Variants in PDE4B observed in about 807,000 individuals in gnomAD.
The protein encoded by PDE4B is 3',5'-cyclic-AMP phosphodiesterase 4B.
PDE4B carries 20 observed loss-of-function variants against 82.2 expected under a neutral mutation model. That is an observed-to-expected ratio of 0.24 (90% CI 0.17 to 0.35). The LOEUF (loss-of-function observed/expected upper bound fraction) is 0.35. PDE4B is among the 10% of genes least tolerant of loss of function. The pLI, the probability that PDE4B is intolerant of heterozygous loss-of-function variation, is 1.00. For synonymous variants in PDE4B, 320 were observed against 318.9 expected, an observed-to-expected ratio of 1.00 and a Z score of -0.04; for missense variants, 655 against 907.2, an observed-to-expected ratio of 0.72 and a Z score of 3.57.
intron 3 of PDE4B, among the ~76,000 whole-genome samples, chr1:66,241,566 G>C (rs1254970827): frequency 1.3e-5 from 2 of 151,930 alleles, no homozygotes; most frequent in Non-Finnish European, 1.5e-5. Flanking sequence ...GAGTGCAGTG[G>C]CGCATCTTGT....
At chr1:66,299,435 T>C (rs188756997) in intron 7 of PDE4B, among the ~76,000 whole-genome samples, 5 of 152,316 alleles carry the variant, frequency 3.3e-5, no homozygotes, top group African/African-American at 1.2e-4. Context: ...TCCATTATTA[T>C]ATGCCATATT....
intron 7 of PDE4B, chr1:66,330,808 T>C: frequency 2.0e-6 from 2 of 984,912 alleles, no homozygotes; most frequent in South Asian, 4.7e-5. Flanking sequence ...TGAGGCAGCA[T>C]TGCAAAATTG....
chr1:66,181,298 G>C (rs1190234371), intron 3 of PDE4B, among the ~76,000 whole-genome samples: 1 of 152,096 alleles, frequency 6.6e-6, no homozygotes, highest in Non-Finnish European at 1.5e-5. Flanking sequence ...ACCCACCCTT[G>C]GGTAAATATT....
At chr1:66,113,399 AC>A (rs1166680926) in intron 3 of PDE4B, among the ~76,000 whole-genome samples, 1 of 152,236 alleles carries the variant, frequency 6.6e-6, no homozygotes, top group African/African-American at 2.4e-5. Flanking sequence ...ACAAGTGAGT[AC>A]AAAATTGCTG....
intron 15 of PDE4B, 174 bp downstream of exon 15, chr1:66,368,239 T>C (rs769133892): frequency 8.5e-6 from 5 of 585,458 alleles, no homozygotes; most frequent in Non-Finnish European, 1.1e-5. Flanking sequence ...GTTTATCTTC[T>C]AATTTATGAG....
intron 3 of PDE4B, among the ~76,000 whole-genome samples, chr1:66,186,576 T>G (rs1647221521): frequency 6.6e-6 from 1 of 152,192 alleles, no homozygotes; most frequent in Non-Finnish European, 1.5e-5. Context: ...GATTCCTAGG[T>G]ATTTTATTCT....
At position 66,052,811 on chromosome 1, in the gene PDE4B, T is replaced by C. The variant is rs1413929586; in HGVS notation, c.281+133976T>C. On this transcript the variant is annotated intron_variant, in intron 3 of 16. Transcript: ENST00000341517. ...TTCTGAGCCTCATGACACTAGCGGT[T>C]TTCCCAGATGAAGTGAATGTTACCC... is the stretch of plus-strand genomic sequence containing the variant. 2.0e-5 allele frequency among the ~76,000 whole-genome samples: 3 copies of C among 152,144 alleles called. No homozygotes were observed. In the South Asian group the frequency reaches 6.2e-4, roughly 31 times the overall value.
At chr1:65,981,545 C>CT (rs35405572) in intron 3 of PDE4B, among the ~76,000 whole-genome samples, 4,649 of 140,310 alleles carry the variant, frequency 0.033, 173 homozygotes, top group Admixed American at 0.12. Context: ...TTCATGTTTC[C>CT]TTTTTTTTTT....
At chr1:66,263,011 G>C (rs796896506) in intron 6 of PDE4B, among the ~76,000 whole-genome samples, 7 of 152,328 alleles carry the variant, frequency 4.6e-5, no homozygotes, top group South Asian at 2.1e-4. Context: ...TCAGGAAAAG[G>C]TGTAAGATAA....
chr1:66,255,186 G>C (rs1654112537), intron 4 of PDE4B, among the ~76,000 whole-genome samples: 1 of 151,926 alleles, frequency 6.6e-6, no homozygotes, highest in East Asian at 1.9e-4. Flanking sequence ...CTGGGTTCAA[G>C]CAATTCTCCT....
intron 16 of PDE4B, among the ~76,000 whole-genome samples, chr1:66,370,807 G>A (rs1349257163): frequency 1.3e-5 from 2 of 151,890 alleles, no homozygotes; most frequent in East Asian, 3.9e-4. Context: ...GTTATTTTGG[G>A]TCCCTGGAAA....
At chr1:66,126,409 A>G (rs867128794) in intron 3 of PDE4B, among the ~76,000 whole-genome samples, 23 of 152,114 alleles carry the variant, frequency 1.5e-4, no homozygotes, top group Admixed American at 1.1e-3. Flanking sequence ...TACTCTATGT[A>G]CCCCCCTACA....
chr1:66,101,471 C>T (rs1193748791), intron 3 of PDE4B, among the ~76,000 whole-genome samples: 18 of 152,222 alleles, frequency 1.2e-4, no homozygotes, highest in Non-Finnish European at 2.4e-4. Context: ...ATTCCTATCT[C>T]TCCACATCCT....
At chr1:66,118,735 A>G (rs1444276206) in intron 3 of PDE4B, among the ~76,000 whole-genome samples, 1 of 152,160 alleles carries the variant, frequency 6.6e-6, no homozygotes, top group Non-Finnish European at 1.5e-5. Flanking sequence ...ACCAAACCCT[A>G]TTATTTCATT....
rs528102825 is a variant in PDE4B at position 66,270,208 on chromosome 1, GAA to G, written c.634+4124_634+4125del. The stretch of plus-strand genomic sequence containing the variant: ...ACCAGTCAATTAGAATGCATTTCAA[GAA>G]AAGACTGTGTTCAGAGAAATCGTAT... On this transcript the variant is annotated intron_variant, in intron 7 of 16. Coordinates refer to ENST00000341517, the MANE Select transcript of PDE4B (RefSeq NM_002600.4). Among the ~76,000 whole-genome samples, 99 of 152,270 alleles carry G rather than the reference GAA, an allele frequency of 6.5e-4. 2 individuals are homozygous for G. In the South Asian group the frequency reaches 0.015, roughly 23 times the overall value.
At chr1:65,888,139 AG>A (rs1319778541) in intron 1 of PDE4B, among the ~76,000 whole-genome samples, 1 of 152,110 alleles carries the variant, frequency 6.6e-6, no homozygotes, top group African/African-American at 2.4e-5. Context: ...GGTGAGAGTT[AG>A]GGGTCTAGTT....
chr1:66,304,988 T>G (rs1332428344), intron 7 of PDE4B, among the ~76,000 whole-genome samples: 1 of 152,128 alleles, frequency 6.6e-6, no homozygotes, highest in East Asian at 1.9e-4. Context: ...TAGGTACTGG[T>G]GTACAGCAGT....
chr1:65,974,908 A>G (rs1650330087), intron 3 of PDE4B, among the ~76,000 whole-genome samples: 1 of 152,184 alleles, frequency 6.6e-6, no homozygotes. Flanking sequence ...GTAGTTGTTT[A>G]TAGCAGCATA....
intron 3 of PDE4B, among the ~76,000 whole-genome samples, chr1:66,167,855 C>A (rs1020454034): frequency 2.6e-5 from 4 of 152,108 alleles, no homozygotes; most frequent in African/African-American, 9.7e-5. Context: ...TTTATATTTT[C>A]TTCATAATCT....
Sources: allele counts gnomAD v4.1 joint callset (sites outside exome capture counted in the v4.1 genomes callset), GRCh38; gene constraint gnomAD v4.1.1; transcripts MANE v1.5; gene names NCBI Gene and HGNC (gene_info 2026-07-23, HGNC 2026-07-21).